Variants in RPL27 observed in about 807,000 individuals in gnomAD.
RPL27 encodes large ribosomal subunit protein eL27.
For synonymous variants in RPL27, 77 were observed against 61.0 expected (o/e 1.26, Z -1.22); for missense variants, 131 against 174.3 (o/e 0.75, Z 1.40).
intron 1 of RPL27, 112 bp from the exon 2 acceptor site, chr17:42,998,637 T>C (rs1421097894): frequency 3.7e-6 from 3 of 811,266 alleles, no homozygotes; most frequent in Non-Finnish European, 6.2e-6. Context: ...AAGGCGACAG[T>C]GAACACAGTC....
intron 2 of RPL27, 89 bp from the exon 3 acceptor site, chr17:42,999,844 T>C: frequency 3.0e-6 from 3 of 1,002,522 alleles, no homozygotes; most frequent in Non-Finnish European, 4.6e-6. Context: ...GACCTGAGGG[T>C]GGAAATATTT....
Position 43,002,774 on chromosome 17 carries a change from T to C in RPL27, c.353T>C (p.Phe118Ser), listed in dbSNP as rs372454661. 2.1e-5 allele frequency: 34 copies of C among 1,612,278 alleles called. No homozygotes were observed. The highest frequency in any genetic ancestry group is 2.9e-5 in the Non-Finnish European group (34 of 1,178,454). Reference protein sequence around the residue: ...RKARREAKVKFEERYKTGKNK... With the variant: ...RKARREAKVKSEERYKTGKNK... ...GCCCGACGGGAGGCCAAGGTCAAGT[T>C]TGAAGAGAGGTAAGTAGGCTTTGGT... Residue 118 changes from phenylalanine (F) to serine (S), a missense_variant, in exon 4 of 5, where the codon TTT becomes TCT. Phe to Ser is a radical substitution (Grantham distance 155). Coordinates refer to ENST00000253788, the MANE Select transcript of RPL27 (RefSeq NM_000988.5).
chr17:43,000,364 A>T (rs558736085), intron 3 of RPL27, among the ~76,000 whole-genome samples: 1 of 152,188 alleles, frequency 6.6e-6, no homozygotes, highest in Non-Finnish European at 1.5e-5. Context: ...GGATAAATAC[A>T]ATAGGTTTCA....
At chr17:42,998,580 C>T in intron 1 of RPL27, 109 bp downstream of exon 1, 1 of 528,670 alleles carries the variant, frequency 1.9e-6, no homozygotes, top group Non-Finnish European at 3.4e-6. Context: ...CTGGCGGCTA[C>T]GTATCCGATC....
intron 3 of RPL27, among the ~76,000 whole-genome samples, chr17:43,000,486 G>GT (rs202021142): frequency 0.2 from 29,308 of 146,650 alleles, 3,148 homozygotes; most frequent in South Asian, 0.27. Context: ...GTTTTGTTTT[G>GT]TTTTTTTTTG....
chr17:43,000,150 T>A, intron 3 of RPL27, 48 bp downstream of exon 3: 1 of 1,422,756 alleles, frequency 7.0e-7, no homozygotes, highest in East Asian at 2.3e-5. Flanking sequence ...CCTGCTCTGT[T>A]GAATAATGAG....
chr17:42,998,909 C>G, intron 2 of RPL27, 78 bp downstream of exon 2: 1 of 1,181,504 alleles, frequency 8.5e-7, no homozygotes, highest in Non-Finnish European at 1.3e-6. Context: ...GCTTGGAATT[C>G]AAGGCCTGTT....
intron 3 of RPL27, among the ~76,000 whole-genome samples, 189 bp downstream of exon 3, chr17:43,000,291 T>C (rs1339732380): frequency 6.6e-6 from 1 of 152,184 alleles, no homozygotes; most frequent in Non-Finnish European, 1.5e-5. Flanking sequence ...AAAGATTGTT[T>C]TCCATCCACA....
Position 43,002,653 on chromosome 17 carries a change from C to T in RPL27, c.252-20C>T. The stretch of plus-strand genomic sequence containing the variant: ...CCGGCAGTATGTGGGCTAATCCTGC[C>T]TCTCCACCTTTGTCCCCAGGTACTC... On this transcript the variant is annotated intron_variant, in intron 3 of 4. Transcript: ENST00000253788. 6.7e-7 allele frequency: 1 copy of T among 1,501,402 alleles called. No homozygotes were observed. The highest frequency in any genetic ancestry group is 9.3e-7 in the Non-Finnish European group (1 of 1,077,978). 93.0% of individuals were successfully genotyped at this position (1,501,402 alleles called of 1,614,324 possible).
At chr17:42,999,909 C>T (rs1479164267) in intron 2 of RPL27, 24 bp from the exon 3 acceptor site, 1 of 1,600,722 alleles carries the variant, frequency 6.2e-7, no homozygotes, top group Admixed American at 1.7e-5. Context: ...CAGTGAATAA[C>T]AAATGTAATT....
chr17:42,999,990 G>T lies in RPL27; in HGVS notation c.139G>T (p.Asp47Tyr). ...CAGCCATGCTCTGGTGGCTGGAATTGACCGCTACCCCCGCAAAGTGACAGC... is the reference window on the plus strand; with the variant it reads ...CAGCCATGCTCTGGTGGCTGGAATTTACCGCTACCCCCGCAAAGTGACAGC... Reference protein sequence around the residue: ...PYSHALVAGIDRYPRKVTAAM... With the variant: ...PYSHALVAGIYRYPRKVTAAM... Residue 47 changes from aspartate (D) to tyrosine (Y), a missense_variant, in exon 3 of 5, where the codon GAC (aspartate) becomes TAC (tyrosine). Coordinates refer to ENST00000253788, the MANE Select transcript of RPL27 (RefSeq NM_000988.5). The T allele has an allele frequency of 6.2e-7, 1 of 1,612,264 alleles. No homozygotes were observed. Among genetic ancestry groups the T allele is most frequent in the South Asian group, 1.1e-5 (1 of 90,990 alleles).
chr17:42,998,609 C>T (rs2050324915), intron 1 of RPL27, 138 bp downstream of exon 1: 4 of 643,272 alleles, frequency 6.2e-6, no homozygotes, highest in Admixed American at 5.1e-5. Context: ...CGAGCAGGGC[C>T]CTCGGGCGGC....
chr17:42,998,687 C>G, intron 1 of RPL27, 62 bp from the exon 2 acceptor site: 1 of 1,296,128 alleles, frequency 7.7e-7, no homozygotes, highest in Non-Finnish European at 1.1e-6. Flanking sequence ...TGGCAGGAGT[C>G]AGCTCTGGGC....
In RPL27 at chr17:42,998,864, T is replaced by C. The variant is rs375639088; in HGVS notation, c.81+33T>C. 40 of 1,583,774 alleles carry C rather than the reference T, an allele frequency of 2.5e-5. No individual in the cohort carries two copies. In the African/African-American group the frequency reaches 5.2e-4, roughly 21 times the overall value. On this transcript the variant is annotated intron_variant, in intron 2 of 4. Coordinates refer to ENST00000253788, the MANE Select transcript of RPL27 (RefSeq NM_000988.5). The stretch of plus-strand genomic sequence containing the variant: ...CCTCGCGGGACTCTGCGTCCTTGCA[T>C]GCCGGGACCAGGCTGGCTGCGGCGG...
rs904435360 is a variant in RPL27, at chr17:43,002,050, C to T, written c.252-623C>T. Among the ~76,000 whole-genome samples the T allele has an allele frequency of 5.3e-5, 8 of 151,460 alleles. No homozygotes were observed. The East Asian group carries it at 1.6e-3, about 29-fold the overall frequency. On this transcript the variant is annotated intron_variant, in intron 3 of 4. Transcript: ENST00000253788. ...CGGAGGTTGCAGTGAGCCGAGATTGCGCCACTGCACTCCAGCCTGGGCAAC... is the reference window on the plus strand; with the variant it reads ...CGGAGGTTGCAGTGAGCCGAGATTGTGCCACTGCACTCCAGCCTGGGCAAC...
intron 3 of RPL27, 96 bp downstream of exon 3, chr17:43,000,198 T>C (rs2050344827): frequency 6.3e-6 from 6 of 951,842 alleles, no homozygotes; most frequent in Non-Finnish European, 8.1e-6. Flanking sequence ...GGAAGGGATA[T>C]CATTTCCAAA....
chr17:42,998,850 T>G lies in RPL27; in HGVS notation c.81+19T>G. The G allele has an allele frequency of 6.2e-7, 1 of 1,607,900 alleles. No individual in the cohort carries two copies. Among genetic ancestry groups the G allele is most frequent in the Non-Finnish European group, 8.5e-7 (1 of 1,174,686 alleles). Reference sequence around the variant, plus strand: ...CGTGAAGGTATCAGCCTCGCGGGACTCTGCGTCCTTGCATGCCGGGACCAG... The same window carrying G: ...CGTGAAGGTATCAGCCTCGCGGGACGCTGCGTCCTTGCATGCCGGGACCAG... On this transcript the variant is annotated intron_variant, in intron 2 of 4. Coordinates refer to ENST00000253788, the MANE Select transcript of RPL27 (RefSeq NM_000988.5).
Position 43,000,111 on chromosome 17 carries a change from T to G in RPL27, c.251+9T>G. On this transcript the variant is annotated intron_variant, in intron 3 of 4. Coordinates refer to ENST00000253788, the MANE Select transcript of RPL27 (RefSeq NM_000988.5). ...CACCTAATGCCCACAAGGTGAGCAT[T>G]TCAAGAACTAGAATTTAAATTTCTT... The G allele has an allele frequency of 6.2e-7, 1 of 1,601,506 alleles. No homozygotes were observed. Among genetic ancestry groups the G allele is most frequent in the Non-Finnish European group, 8.5e-7 (1 of 1,169,708 alleles).
chr17:43,001,620 CA>C (rs1395959281), intron 3 of RPL27, among the ~76,000 whole-genome samples: 4 of 150,232 alleles, frequency 2.7e-5, no homozygotes, highest in Non-Finnish European at 5.9e-5. Context: ...GACTCCATCT[CA>C]AAAAATAAAA....
Sources: allele counts gnomAD v4.1 joint callset (sites outside exome capture counted in the v4.1 genomes callset), GRCh38; gene constraint gnomAD v4.1.1; transcripts MANE v1.5; gene names NCBI Gene and HGNC (gene_info 2026-07-23, HGNC 2026-07-21).